Variants in NAALADL2 observed in about 807,000 individuals in gnomAD.
NAALADL2 encodes N-acetylated alpha-linked acidic dipeptidase like 2.
NAALADL2 carries 76 observed loss-of-function variants against 87.2 expected under a neutral mutation model. The ratio of observed to expected loss-of-function variants is 0.87; its 90% CI spans 0.72 to 1.05. The LOEUF (loss-of-function observed/expected upper bound fraction) is 1.05. Among genes scored for constraint, NAALADL2 ranks in the 50% least tolerant of loss-of-function variants. NAALADL2 has a pLI of 0.00. For missense variants in NAALADL2, 1,089 were observed against 945.8 expected, an observed-to-expected ratio of 1.15 and a Z score of -1.99; for synonymous variants, 354 against 331.0, an observed-to-expected ratio of 1.07 and a Z score of -0.75.
chr3:175,034,322 T>C (rs1753151158), intron 1 of NAALADL2, among the ~76,000 whole-genome samples: 1 of 152,148 alleles, frequency 6.6e-6, no homozygotes, highest in Admixed American at 6.6e-5. Context: ...CAGATACAAG[T>C]TCTGATTGTC....
chr3:175,709,749 G>C (rs1471958670), intron 11 of NAALADL2, among the ~76,000 whole-genome samples: 1 of 151,998 alleles, frequency 6.6e-6, no homozygotes, highest in Non-Finnish European at 1.5e-5. Flanking sequence ...CTAAAAAGTA[G>C]AACATAAGTA....
At chr3:175,584,062 G>T (rs1269542205) in intron 10 of NAALADL2, among the ~76,000 whole-genome samples, 4 of 149,614 alleles carry the variant, frequency 2.7e-5, no homozygotes, top group Middle Eastern at 3.5e-3. Flanking sequence ...TTCTGCGATG[G>T]AGTCTGGGTC....
At chr3:175,186,639 T>C (rs751828441) in intron 2 of NAALADL2, among the ~76,000 whole-genome samples, 6 of 152,090 alleles carry the variant, frequency 3.9e-5, no homozygotes, top group Non-Finnish European at 7.4e-5. Context: ...TACCTTTGAA[T>C]TTTGACGCCA....
chr3:175,629,891 G>T (rs775995189), intron 11 of NAALADL2, among the ~76,000 whole-genome samples: 21 of 151,640 alleles, frequency 1.4e-4, no homozygotes, highest in Admixed American at 8.6e-4. Flanking sequence ...ACAGATATTG[G>T]AATATATTGT....
Position 174,502,217 on chromosome 3 carries a change from C to T in NAALADL2, c.-183-48352C>T, listed in dbSNP as rs188556713. Among the ~76,000 whole-genome samples the T allele has an allele frequency of 2.7e-3, 415 of 152,258 alleles. 1 individual carries two copies. The highest frequency in any genetic ancestry group is 9.6e-3 in the African/African-American group (397 of 41,560). On this transcript the variant is annotated intron_variant, in intron 1 of 3. Transcript: ENST00000434257. ...GAAAGCAGTCATCTGTTAAATAAGA[C>T]ATACTGTCTGATTTGCAAAGTATAC... is the stretch of plus-strand genomic sequence containing the variant.
intron 11 of NAALADL2, among the ~76,000 whole-genome samples, chr3:175,633,140 C>A (rs1728035502): frequency 6.6e-6 from 1 of 152,010 alleles, no homozygotes; most frequent in African/African-American, 2.4e-5. Flanking sequence ...AGAAAATGTT[C>A]AAAAGAGTAT....
chr3:175,557,355 T>C (rs1582389500), intron 9 of NAALADL2, among the ~76,000 whole-genome samples: 1 of 152,208 alleles, frequency 6.6e-6, no homozygotes, highest in African/African-American at 2.4e-5. Context: ...TCAGGGTAAA[T>C]AGGATATCCA....
intron 11 of NAALADL2, among the ~76,000 whole-genome samples, chr3:175,706,910 A>G (rs959326071): frequency 6.6e-6 from 1 of 152,092 alleles, no homozygotes; most frequent in Non-Finnish European, 1.5e-5. Flanking sequence ...GCAATCCTCT[A>G]TATTTGTATT....
chr3:174,851,478 A>G (rs1725256441), intron 3 of NAALADL2, among the ~76,000 whole-genome samples: 1 of 152,052 alleles, frequency 6.6e-6, no homozygotes, highest in African/African-American at 2.4e-5. Flanking sequence ...GAGCAACTAT[A>G]CTATGAGTAA....
chr3:174,949,224 G>A (rs1386964584), intron 1 of NAALADL2, among the ~76,000 whole-genome samples: 3 of 152,174 alleles, frequency 2.0e-5, no homozygotes, highest in African/African-American at 7.2e-5. Flanking sequence ...TCAGGCCATA[G>A]CTCTTACCCA....
At chr3:175,377,209 G>T (rs1359165024) in intron 5 of NAALADL2, among the ~76,000 whole-genome samples, 1 of 152,088 alleles carries the variant, frequency 6.6e-6, no homozygotes, top group Non-Finnish European at 1.5e-5. Context: ...CTACTTGGGA[G>T]GCTAAGGCTC....
intron 1 of NAALADL2, among the ~76,000 whole-genome samples, chr3:174,502,283 C>T (rs1718945728): frequency 6.6e-6 from 1 of 152,152 alleles, no homozygotes; most frequent in African/African-American, 2.4e-5. Flanking sequence ...AAAAGCATTG[C>T]TCTAAATGAA....
At chr3:175,057,720 T>C (rs914095012) in intron 1 of NAALADL2, among the ~76,000 whole-genome samples, 1 of 152,232 alleles carries the variant, frequency 6.6e-6, no homozygotes, top group Non-Finnish European at 1.5e-5. Flanking sequence ...CTAAGATTCC[T>C]GCTTATACTC....
chr3:175,196,638 C>T (rs1580877519), intron 2 of NAALADL2, among the ~76,000 whole-genome samples: 1 of 151,872 alleles, frequency 6.6e-6, no homozygotes, highest in Non-Finnish European at 1.5e-5. Context: ...TATAGATATG[C>T]CTTTCTTACA....
In NAALADL2 at chr3:175,697,400, G is replaced by GACACACACACACACAC. The variant is rs57471272; in HGVS notation, c.1897-39888_1897-39873dup. On this transcript the variant is annotated intron_variant, in intron 11 of 13. Transcript: ENST00000454872. ...TGTGCTAGTGCTAAAGCTGCACACAGACACACACACACACACACACACACA... is the reference window on the plus strand; with the variant it reads ...TGTGCTAGTGCTAAAGCTGCACACAGACACACACACACACACACACACACACACACACACACACACA... Among the ~76,000 whole-genome samples, 487 of 145,332 alleles carry GACACACACACACACAC rather than the reference G, an allele frequency of 3.4e-3. 5 individuals carry two copies. Among genetic ancestry groups the GACACACACACACACAC allele is most frequent in the African/African-American group, 9.1e-3 (359 of 39,648 alleles).
chr3:174,745,047 TAAAAG>T (rs1734117839), intron 3 of NAALADL2, among the ~76,000 whole-genome samples: 1 of 151,150 alleles, frequency 6.6e-6, no homozygotes, highest in East Asian at 1.9e-4. Context: ...ACTAGAGAAT[TAAAAG>T]CAAACAAATC....
At chr3:175,157,928 C>G (rs1296770201) in intron 2 of NAALADL2, among the ~76,000 whole-genome samples, 1 of 151,956 alleles carries the variant, frequency 6.6e-6, no homozygotes, top group Non-Finnish European at 1.5e-5. Flanking sequence ...ATCTAATTTT[C>G]CTGAAAAAAT....
intron 3 of NAALADL2, among the ~76,000 whole-genome samples, chr3:174,836,266 T>C (rs1290395187): frequency 6.6e-6 from 1 of 152,040 alleles, no homozygotes; most frequent in African/African-American, 2.4e-5. Flanking sequence ...TCCACTTACA[T>C]AGGTACCTAG....
intron 2 of NAALADL2, among the ~76,000 whole-genome samples, chr3:174,613,581 G>A (rs1017910292): frequency 1.3e-5 from 2 of 152,160 alleles, no homozygotes; most frequent in African/African-American, 4.8e-5. Flanking sequence ...GGACAATGGG[G>A]ACAACTGCCA....
Sources: allele counts gnomAD v4.1 joint callset (sites outside exome capture counted in the v4.1 genomes callset), GRCh38; gene constraint gnomAD v4.1.1; transcripts MANE v1.5; gene names NCBI Gene and HGNC (gene_info 2026-07-23, HGNC 2026-07-21).